ARID1B: variants seen among roughly 807,000 people sequenced by gnomAD.
ARID1B encodes AT-rich interaction domain 1B.
A neutral mutation model predicts 212.3 loss-of-function variants in ARID1B; 30 were observed. That is an observed-to-expected ratio of 0.14 (90% CI 0.11 to 0.19). ARID1B has a LOEUF of 0.19. Ranked by LOEUF, ARID1B falls within the 10% of genes least tolerant of loss-of-function variation. The pLI is 1.00. For missense variants in ARID1B, 2,891 were observed against 3,204.0 expected (o/e 0.90, Z 2.36); for synonymous variants, 1,402 against 1,301.7 (o/e 1.08, Z -1.66).
rs2114976339 is a variant in ARID1B at position 156,778,494 on chromosome 6, C to T, written c.814C>T (p.Pro272Ser). 3 of 1,283,160 alleles carry T rather than the reference C, an allele frequency of 2.3e-6. No homozygotes were observed. The highest frequency in any genetic ancestry group is 2.9e-6 in the Non-Finnish European group (3 of 1,021,286). The allele number at this position is 1,283,160 out of a possible 1,614,324, so 79.5% of individuals were successfully genotyped here. ...LSKPGDEDDAPPKMGEPAGGR... is the reference protein window; with the variant it reads ...LSKPGDEDDASPKMGEPAGGR... ...CAAGCCGGGCGACGAGGACGACGCG[C>T]CGCCCAAGATGGGGGAGCCGGCGGG... The change falls in exon 1 of 20, where the codon CCG becomes TCG. Residue 272 changes from proline to serine, a missense_variant. Coordinates refer to ENST00000636930, the MANE Select transcript of ARID1B (RefSeq NM_001374828.1).
intron 2 of ARID1B, among the ~76,000 whole-genome samples, chr6:156,883,407 T>A (rs1182605461): frequency 2.0e-5 from 3 of 152,234 alleles, no homozygotes; most frequent in Non-Finnish European, 4.4e-5. Flanking sequence ...ACAAATAGAT[T>A]GCCTTGTCTT....
Position 157,133,179 on chromosome 6 carries a change from T to G in ARID1B, c.2733T>G (p.Gly911=). The G allele has an allele frequency of 1.2e-6, 2 of 1,613,122 alleles. No homozygotes were observed. The highest frequency in any genetic ancestry group is 1.7e-6 in the Non-Finnish European group (2 of 1,179,640). Reference sequence around the variant, plus strand: ...AGAGTAACTCAAGTGGGACTTACGGTCCACAGATGAGCCAGTATGGACCAC... The same window carrying G: ...AGAGTAACTCAAGTGGGACTTACGGGCCACAGATGAGCCAGTATGGACCAC... The part of the protein sequence containing the change: ...FQQSNSSGTY[G]PQMSQYGPQG... Residue 911 remains glycine (G), a synonymous_variant, in exon 7 of 20, where the codon GGT becomes GGG. Transcript: ENST00000636930.
At position 156,778,057 on chromosome 6, in the gene ARID1B, C is replaced by A. The variant is rs2114960706; in HGVS notation, c.377C>A (p.Ala126Glu). 1 of 1,534,532 alleles carries A rather than the reference C, an allele frequency of 6.5e-7. No homozygotes were observed. Among genetic ancestry groups the A allele is most frequent in the Non-Finnish European group, 8.7e-7 (1 of 1,145,726 alleles). ...TCCTCCTCCTCCTCCTCCTCCGCGG[C>A]GGCAGCGGCGGCATCCTCTTCCTCC... is the stretch of plus-strand genomic sequence containing the variant. ...ALSSSSSSSA[A>E]AAAASSSSSS... Residue 126 changes from alanine to glutamate, a missense_variant, in exon 1 of 20, where the codon GCG (alanine) becomes GAG (glutamate). Transcript: ENST00000636930.
intron 4 of ARID1B, among the ~76,000 whole-genome samples, chr6:157,080,464 A>G (rs1028309729): frequency 2.0e-5 from 3 of 152,150 alleles, no homozygotes; most frequent in Non-Finnish European, 4.4e-5. Flanking sequence ...ATCATGTACA[A>G]TCTGTAGGCA....
intron 4 of ARID1B, chr6:157,036,989 G>T: frequency 5.3e-6 from 2 of 379,738 alleles, no homozygotes; most frequent in Non-Finnish European, 5.2e-6. Context: ...AAAACACTGA[G>T]GTTTAAAAAT....
intron 2 of ARID1B, among the ~76,000 whole-genome samples, chr6:156,865,694 C>T (rs1562444851): frequency 6.6e-6 from 1 of 151,950 alleles, no homozygotes; most frequent in Non-Finnish European, 1.5e-5. Context: ...TTCTATTTTT[C>T]ATGTCTTTTC....
At chr6:157,174,204 C>CA in intron 10 of ARID1B, 87 bp downstream of exon 10, 1 of 1,197,356 alleles carries the variant, frequency 8.4e-7, no homozygotes, top group Non-Finnish European at 1.2e-6. Context: ...TTGGCCGACA[C>CA]TTTTTTTTCA....
chr6:156,934,909 T>C (rs1238986635), intron 3 of ARID1B, among the ~76,000 whole-genome samples: 1 of 92,142 alleles, frequency 1.1e-5, no homozygotes, highest in African/African-American at 4.2e-5. Context: ...ATTTAGTTGT[T>C]AATTATATAT....
rs543652517 is a variant in ARID1B, at chr6:156,998,575, C to T, written c.2247+62999C>T. Among the ~76,000 whole-genome samples the T allele has an allele frequency of 6.6e-5, 10 of 152,244 alleles. No individual in the cohort carries two copies. In the South Asian group the frequency reaches 1.7e-3, roughly 25 times the overall value. ...AAAGTTCCAAGAGGTGGAAGGGGCA[C>T]GAGGAATGACTGCTGCGAGCTGACA... On this transcript the variant is annotated intron_variant, in intron 4 of 19. Coordinates refer to ENST00000636930, the MANE Select transcript of ARID1B (RefSeq NM_001374828.1).
chr6:156,778,282 A>G lies in ARID1B; in HGVS notation c.602A>G (p.Gln201Arg). ...CTAAACCAGTTCCAGCAGCAGCAGC[A>G]GCAGCAGCAACAGCAGCAGCAGCAG... is the stretch of plus-strand genomic sequence containing the variant. ...QQLNQFQQQQ[Q>R]QQQQQQQQQQ... The change falls in exon 1 of 20, where the codon CAG becomes CGG. Residue 201 changes from glutamine (Q) to arginine (R), a missense_variant. Physicochemically the swap from Gln to Arg is conservative, Grantham distance 43. Coordinates refer to ENST00000636930, the MANE Select transcript of ARID1B (RefSeq NM_001374828.1). 1.9e-6 allele frequency: 3 copies of G among 1,541,542 alleles called. No homozygotes were observed. The highest frequency in any genetic ancestry group is 2.6e-6 in the Non-Finnish European group (3 of 1,144,744).
chr6:156,932,130 T>TAA (rs1562492871), intron 3 of ARID1B, among the ~76,000 whole-genome samples: 2 of 93,332 alleles, frequency 2.1e-5, no homozygotes, highest in African/African-American at 1.1e-4. Context: ...ACCTTGTTTC[T>TAA]TAAAAAAAAA....
intron 4 of ARID1B, among the ~76,000 whole-genome samples, chr6:156,983,526 G>A (rs1213207694): frequency 6.6e-6 from 1 of 152,214 alleles, no homozygotes; most frequent in African/African-American, 2.4e-5. Context: ...TCCTCATGTT[G>A]ATATGTGAAA....
At chr6:156,911,713 A>G (rs1789907698) in intron 3 of ARID1B, among the ~76,000 whole-genome samples, 1 of 152,228 alleles carries the variant, frequency 6.6e-6, no homozygotes, top group Non-Finnish European at 1.5e-5. Context: ...GTAAATGCTC[A>G]GGCACTTCTC....
In ARID1B at chr6:157,206,100, C is replaced by T; in HGVS notation, c.5395-67C>T. 6.6e-7 allele frequency: 1 copy of T among 1,521,554 alleles called. No homozygotes were observed. The highest frequency in any genetic ancestry group is 9.0e-7 in the Non-Finnish European group (1 of 1,116,480). The allele number at this position is 1,521,554 out of a possible 1,614,324, so 94.3% of individuals were successfully genotyped here. A position where few individuals can be genotyped will look rare whatever the true frequency, so the allele number is the denominator to read the frequency against. ...GACGGGTCTCAGGATCTTTACCCTCCTCGGTCATATCTGATGTCATGACAT... is the reference window on the plus strand; with the variant it reads ...GACGGGTCTCAGGATCTTTACCCTCTTCGGTCATATCTGATGTCATGACAT... On this transcript the variant is annotated intron_variant, in intron 19 of 19. Coordinates refer to ENST00000636930, the MANE Select transcript of ARID1B (RefSeq NM_001374828.1). The surrounding 1 kb of genome is among the most constrained non-coding windows in gnomAD (Gnocchi z 6.8).
intron 4 of ARID1B, chr6:157,036,946 C>T (rs1400803190): frequency 4.5e-6 from 2 of 440,444 alleles, no homozygotes; most frequent in African/African-American, 2.1e-5. Context: ...GAAGGTTCAA[C>T]AGAGGGGACT....
At chr6:157,107,297 G>A (rs551100465) in intron 5 of ARID1B, among the ~76,000 whole-genome samples, 5 of 151,912 alleles carry the variant, frequency 3.3e-5, no homozygotes, top group African/African-American at 7.2e-5. Context: ...GACATGACGC[G>A]GAAAAATGGG....
At chr6:156,786,397 G>A (rs879306070) in intron 1 of ARID1B, among the ~76,000 whole-genome samples, 1 of 152,078 alleles carries the variant, frequency 6.6e-6, no homozygotes, top group African/African-American at 2.4e-5. Flanking sequence ...ACTAAATTAA[G>A]ATGATTGACC....
chr6:156,968,321 T>A (rs1401149435), intron 4 of ARID1B, among the ~76,000 whole-genome samples: 1 of 152,182 alleles, frequency 6.6e-6, no homozygotes, highest in Non-Finnish European at 1.5e-5. Context: ...ACAATATTAG[T>A]GATGAAAATA....
In ARID1B at chr6:157,207,864, T is replaced by C; in HGVS notation, c.7092T>C (p.Asp2364=). 4.6e-6 allele frequency: 7 copies of C among 1,508,532 alleles called. No individual in the cohort carries two copies. Among genetic ancestry groups the C allele is most frequent in the Non-Finnish European group, 6.2e-6 (7 of 1,126,868 alleles). 93.4% of individuals were successfully genotyped at this position (1,508,532 alleles called of 1,614,324 possible). The part of the protein sequence containing the change: ...LNSLVASVIC[D]VLFQIGQL ...CTCTGGTTGCATCTGTCATCTGTGA[T>C]GTACTGTTTCAGATTGGGCAGTTAT... The change falls in exon 20 of 20, where the codon GAT becomes GAC. Residue 2364 remains aspartate (D), a synonymous_variant. Transcript: ENST00000636930. This position sits in a 1 kb window ranked among gnomAD's most constrained non-coding sequence, Gnocchi z 8.5.
Sources: allele counts gnomAD v4.1 joint callset (sites outside exome capture counted in the v4.1 genomes callset), GRCh38; gene constraint gnomAD v4.1.1; non-coding constraint Gnocchi (gnomAD v3.1); transcripts MANE v1.5; gene names NCBI Gene and HGNC (gene_info 2026-07-23, HGNC 2026-07-21).